Variants in LIPM observed in about 807,000 individuals in gnomAD.
LIPM encodes lipase member M.
LIPM carries 42 observed loss-of-function variants against 42.4 expected under a neutral mutation model. The ratio of observed to expected loss-of-function variants is 0.99; its 90% CI spans 0.77 to 1.28. LIPM has a LOEUF of 1.28. Among genes scored for constraint, LIPM ranks in the 50% most tolerant of loss-of-function variants. The probability of loss-of-function intolerance (pLI) is 0.00; values close to 1 mark genes in which losing one functional copy is unlikely to be tolerated. For synonymous variants in LIPM, 177 were observed against 173.3 expected, an observed-to-expected ratio of 1.02 and a Z score of -0.17; for missense variants, 524 against 520.1, an observed-to-expected ratio of 1.01 and a Z score of -0.07.
intron 2 of LIPM, among the ~76,000 whole-genome samples, chr10:88,808,806 G>A (rs915881378): frequency 2.0e-5 from 3 of 152,056 alleles, no homozygotes; most frequent in East Asian, 1.9e-4. Flanking sequence ...CCTGGTACCC[G>A]CTCCTGTATA....
chr10:88,808,131 A>C (rs1843610392), intron 1 of LIPM, among the ~76,000 whole-genome samples, 167 bp from the exon 2 acceptor site: 2 of 152,324 alleles, frequency 1.3e-5, no homozygotes, highest in Middle Eastern at 3.4e-3. Flanking sequence ...AAAGAAAGTA[A>C]GGACTAGAGA....
chr10:88,814,095 G>T (rs1239063336), intron 3 of LIPM, among the ~76,000 whole-genome samples: 1 of 152,134 alleles, frequency 6.6e-6, no homozygotes, highest in Admixed American at 6.5e-5. Context: ...TCTTACAAAA[G>T]ATTTTTAACT....
intron 8 of LIPM, 47 bp downstream of exon 8, chr10:88,817,943 G>A (rs1219269801): frequency 3.0e-6 from 4 of 1,346,340 alleles, no homozygotes; most frequent in South Asian, 1.3e-5. Context: ...CATTGGAAAT[G>A]TATGACAGGG....
intron 1 of LIPM, chr10:88,806,046 G>A (rs1450254812): frequency 2.2e-6 from 1 of 455,722 alleles, no homozygotes; most frequent in East Asian, 7.0e-5. Flanking sequence ...TGAACTTGGA[G>A]GAAGTGGCTT....
intron 3 of LIPM, among the ~76,000 whole-genome samples, chr10:88,814,075 CCT>C (rs1285782880): frequency 6.6e-6 from 1 of 152,170 alleles, no homozygotes; most frequent in Non-Finnish European, 1.5e-5. Flanking sequence ...ATTTGACTTA[CCT>C]CTCATGTTCT....
chr10:88,809,809 G>A (rs1003327810), intron 2 of LIPM, among the ~76,000 whole-genome samples: 1 of 152,118 alleles, frequency 6.6e-6, no homozygotes, highest in Non-Finnish European at 1.5e-5. Context: ...TAGCTGCACA[G>A]CTGCGCCTTA....
rs376624461 is a variant in LIPM, at chr10:88,817,888, T to C, written c.994T>C (p.Cys332Arg). ...GAGTGAGACCAAAAATCTGGAAAAA[T>C]GCAATCAGGTAAGAAAATCAAATAC... is the stretch of plus-strand genomic sequence containing the variant. ...WGSETKNLEK[C>R]NQPTPVRYRV... The change falls in exon 8 of 9, where the codon TGC (cysteine) becomes CGC (arginine). Residue 332 changes from cysteine to arginine, a missense_variant. By Grantham distance (180) the Cys-to-Arg change is radical (BLOSUM62 -3). Transcript: ENST00000404743. 6.4e-7 allele frequency: 1 copy of C among 1,550,896 alleles called. No individual in the cohort carries two copies. The highest frequency in any genetic ancestry group is 8.7e-7 in the Non-Finnish European group (1 of 1,146,376).
rs1843773580 is a variant in LIPM at position 88,820,362 on chromosome 10, A to G, written c.1133A>G (p.His378Arg). ...TCTGAGGTGACCAACCTCATCTACC[A>G]TAAGAATATTCCTGAATGGGCTCAC... Reference protein sequence around the residue: ...LLSEVTNLIYHKNIPEWAHVD... With the variant: ...LLSEVTNLIYRKNIPEWAHVD... Residue 378 changes from histidine (H) to arginine (R), a missense_variant, in exon 9 of 9, where the codon CAT (histidine) becomes CGT (arginine). Transcript: ENST00000404743. The G allele has an allele frequency of 1.3e-6, 2 of 1,552,340 alleles. No homozygotes were observed. The highest frequency in any genetic ancestry group is 1.7e-6 in the Non-Finnish European group (2 of 1,147,136).
chr10:88,815,940 G>T (rs1161690051), intron 6 of LIPM, among the ~76,000 whole-genome samples: 1 of 152,174 alleles, frequency 6.6e-6, no homozygotes, highest in Non-Finnish European at 1.5e-5. Flanking sequence ...TCCCTAGGAA[G>T]CATACTCTGA....
intron 7 of LIPM, 80 bp from the exon 8 acceptor site, chr10:88,817,745 T>C: frequency 2.2e-6 from 2 of 913,140 alleles, no homozygotes; most frequent in Admixed American, 2.0e-5. Flanking sequence ...GAGTGCACAC[T>C]GGGTAGCACA....
intron 2 of LIPM, among the ~76,000 whole-genome samples, chr10:88,812,487 T>C (rs1045179869): frequency 1.1e-4 from 17 of 152,242 alleles, no homozygotes; most frequent in Admixed American, 8.5e-4. Flanking sequence ...TATTTACTAA[T>C]TGGCATTCTG....
chr10:88,804,059 T>C (rs1278203244), intron 1 of LIPM, among the ~76,000 whole-genome samples: 2 of 152,246 alleles, frequency 1.3e-5, no homozygotes, highest in Admixed American at 6.5e-5. Context: ...AGACCCTTTC[T>C]ACAGAAGCTT....
intron 3 of LIPM, 58 bp downstream of exon 3, chr10:88,813,353 A>G (rs1178141074): frequency 1.3e-5 from 18 of 1,335,916 alleles, no homozygotes; most frequent in Non-Finnish European, 1.7e-5. Flanking sequence ...AAAAATGGGT[A>G]AAAAATTACG....
At chr10:88,808,266 T>C in intron 1 of LIPM, 32 bp from the exon 2 acceptor site, 3 of 1,251,176 alleles carry the variant, frequency 2.4e-6, no homozygotes, top group Non-Finnish European at 2.3e-6. Context: ...CACAGAGAAC[T>C]GAACCTAAAA....
In LIPM at chr10:88,815,215, G is replaced by A; in HGVS notation, c.702G>A (p.Met234Ile). ...PGTKFLLLPD[M>I]MIKGLFGKKE... ...CCAAATTTTTGTTGCTGCCAGATAT[G>A]ATGATCAAGGTATGAGACTCCTCAG... Residue 234 changes from methionine to isoleucine, a missense_variant, in exon 5 of 9, where the codon ATG (methionine) becomes ATA (isoleucine). Physicochemically the swap from Met to Ile is conservative, Grantham distance 10. Coordinates refer to ENST00000404743, the MANE Select transcript of LIPM (RefSeq NM_001128215.1). 7 of 1,551,838 alleles carry A rather than the reference G, an allele frequency of 4.5e-6. No homozygotes were observed. Among genetic ancestry groups the A allele is most frequent in the Non-Finnish European group, 6.1e-6 (7 of 1,146,986 alleles).
rs951896669 is a variant in LIPM, at chr10:88,817,922, G to A, written c.1002+26G>A. 4.0e-6 allele frequency: 6 copies of A among 1,502,794 alleles called. No individual in the cohort carries two copies. The South Asian group carries it at 7.2e-5, about 18-fold the overall frequency. The allele number at this position is 1,502,794 out of a possible 1,614,324, so 93.1% of individuals were successfully genotyped here. On this transcript the variant is annotated intron_variant, in intron 8 of 8. Coordinates refer to ENST00000404743, the MANE Select transcript of LIPM (RefSeq NM_001128215.1). ...GTAAGAAAATCAAATACCATCTGCTGAAAATATATACATTGGAAATGTATG... is the reference window on the plus strand; with the variant it reads ...GTAAGAAAATCAAATACCATCTGCTAAAAATATATACATTGGAAATGTATG...
chr10:88,813,047 C>G (rs538091260), intron 2 of LIPM, 50 bp from the exon 3 acceptor site: 2 of 1,450,982 alleles, frequency 1.4e-6, no homozygotes, highest in Non-Finnish European at 1.9e-6. Context: ...TACTGGACAA[C>G]AAGAAAGGGA....
rs1412090192 is a variant in LIPM, at chr10:88,814,536, T to A, written c.471T>A (p.Asp157Glu). The change falls in exon 4 of 9, where the codon GAT becomes GAA. Residue 157 changes from aspartate to glutamate, a missense_variant. Asp to Glu is a conservative substitution (Grantham distance 45). Transcript: ENST00000404743. ...TTGTCTTTTCCCCTTGTAGTTATGA[T>A]GAGATGGCTAGGTTTGACCTTCCTG... ...DQDEFWAFSY[D>E]EMARFDLPAV... is the part of the protein sequence containing the mutation. 3.2e-6 allele frequency: 5 copies of A among 1,549,378 alleles called. No individual in the cohort carries two copies. The highest frequency in any genetic ancestry group is 4.4e-6 in the Non-Finnish European group (5 of 1,144,866).
At position 88,808,290 on chromosome 10, in the gene LIPM, TTCCATAG is replaced by T. The variant is rs1564595532; in HGVS notation, c.148-7_148-1del. Reference sequence around the variant, plus strand: ...CTGAACCTAAAAGAAATTGTGCTTTTTCCATAGAGTGAAATCATCCAACATCAAGGCT... The same window carrying T: ...CTGAACCTAAAAGAAATTGTGCTTTTAGTGAAATCATCCAACATCAAGGCT... On this transcript the variant is annotated splice_acceptor_variant and splice_polypyrimidine_tract_variant and intron_variant, in intron 1 of 8. Transcript: ENST00000404743. LOFTEE classifies it high-confidence loss of function. The T allele has an allele frequency of 4.6e-6, 7 of 1,511,098 alleles. No homozygotes were observed. The highest frequency in any genetic ancestry group is 1.4e-5 in the African/African-American group (1 of 72,286). 93.6% of individuals were successfully genotyped at this position (1,511,098 alleles called of 1,614,324 possible).
Sources: allele counts gnomAD v4.1 joint callset (sites outside exome capture counted in the v4.1 genomes callset), GRCh38; gene constraint gnomAD v4.1.1; transcripts MANE v1.5; gene names NCBI Gene and HGNC (gene_info 2026-07-23, HGNC 2026-07-21).